Variants in GAP43 observed in about 807,000 individuals in gnomAD.
The protein encoded by GAP43 is neuromodulin.
A neutral mutation model predicts 18.6 loss-of-function variants in GAP43; 6 were observed. That is an observed-to-expected ratio of 0.32 (90% CI 0.18 to 0.64). The LOEUF is 0.64. GAP43 is among the 30% of genes least tolerant of loss of function. The pLI is 0.78. For synonymous variants in GAP43, 115 were observed against 111.4 expected, an observed-to-expected ratio of 1.03 and a Z score of -0.20; for missense variants, 292 against 295.5, an observed-to-expected ratio of 0.99 and a Z score of 0.09.
In GAP43 at chr3:115,710,442, T is replaced by A. The variant is rs28399405; in HGVS notation, c.629-10352T>A. On this transcript the variant is annotated intron_variant, in intron 2 of 2. Transcript: ENST00000305124. ...ACCTGATTAAAACTGATTTATGGAG[T>A]TTTTAAAGAGGGAGAATAACAAAAT... Among the ~76,000 whole-genome samples the A allele has an allele frequency of 3.8e-3, 579 of 151,988 alleles. 6 individuals carry two copies. The highest frequency in any genetic ancestry group is 0.013 in the African/African-American group (557 of 41,478).
intron 2 of GAP43, among the ~76,000 whole-genome samples, chr3:115,703,306 A>G (rs966968016): frequency 7.2e-5 from 11 of 152,124 alleles, no homozygotes; most frequent in African/African-American, 2.7e-4. Context: ...TTGTAACTTT[A>G]TGAGGAAAGA....
intron 2 of GAP43, among the ~76,000 whole-genome samples, chr3:115,678,862 G>A (rs1206994705): frequency 6.6e-6 from 1 of 150,868 alleles, no homozygotes; most frequent in Non-Finnish European, 1.5e-5. Context: ...ATTCAGAAAT[G>A]CTGCCTGTCG....
intron 2 of GAP43, among the ~76,000 whole-genome samples, chr3:115,709,505 T>C (rs1339800318): frequency 1.3e-5 from 2 of 152,234 alleles, no homozygotes; most frequent in Non-Finnish European, 2.9e-5. Flanking sequence ...GATGTGTTTC[T>C]TGTAAACTTC....
chr3:115,712,712 G>T (rs1334443575), intron 2 of GAP43, among the ~76,000 whole-genome samples: 4 of 152,142 alleles, frequency 2.6e-5, no homozygotes, highest in Non-Finnish European at 5.9e-5. Flanking sequence ...GAAGTCGTAT[G>T]ATTAGTTAGT....
At chr3:115,652,417 C>T (rs530548684) in intron 1 of GAP43, among the ~76,000 whole-genome samples, 6 of 102,996 alleles carry the variant, frequency 5.8e-5, no homozygotes, top group East Asian at 3.2e-4. Context: ...GAGTCTTGCT[C>T]TGTTGTCCAG....
intron 2 of GAP43, among the ~76,000 whole-genome samples, chr3:115,716,717 A>AATATATAT (rs3995850): frequency 3.4e-4 from 15 of 43,932 alleles, no homozygotes; most frequent in East Asian, 1.2e-3. Flanking sequence ...ATCTCAGACA[A>AATATATAT]ATATATATAT....
At chr3:115,657,447 T>C (rs2107478593) in intron 1 of GAP43, among the ~76,000 whole-genome samples, 1 of 152,286 alleles carries the variant, frequency 6.6e-6, no homozygotes, top group Non-Finnish European at 1.5e-5. Context: ...TATCTTTCAC[T>C]TGTTAATTCA....
At chr3:115,623,831 G>C (rs1708148003) in intron 1 of GAP43, 112 bp downstream of exon 1, 6 of 1,064,296 alleles carry the variant, frequency 5.6e-6, no homozygotes, top group Non-Finnish European at 8.8e-6. Flanking sequence ...TGGTGCTCGC[G>C]CTTCCTTAGC....
At chr3:115,646,886 A>T (rs1350056752) in intron 1 of GAP43, among the ~76,000 whole-genome samples, 2 of 151,948 alleles carry the variant, frequency 1.3e-5, no homozygotes, top group Non-Finnish European at 2.9e-5. Context: ...GAAACCAAAC[A>T]ACCAACATGT....
chr3:115,683,788 A>G (rs1431488481), intron 2 of GAP43, among the ~76,000 whole-genome samples: 1 of 152,218 alleles, frequency 6.6e-6, no homozygotes, highest in Non-Finnish European at 1.5e-5. Flanking sequence ...ATTAAAACAT[A>G]AAGTATTATA....
At chr3:115,698,158 TATATAAA>T (rs1709236691) in intron 2 of GAP43, among the ~76,000 whole-genome samples, 5 of 47,306 alleles carry the variant, frequency 1.1e-4, no homozygotes, top group South Asian at 4.7e-4. Context: ...TTATATATAA[TATATAAA>T]ATATATTAAA....
At chr3:115,652,389 A>ATTTTTTTTTTTTTTTTTTTT (rs1708531283) in intron 1 of GAP43, among the ~76,000 whole-genome samples, 6 of 25,588 alleles carry the variant, frequency 2.3e-4, no homozygotes, top group African/African-American at 4.6e-4. Flanking sequence ...TTTTTTTGTG[A>ATTTTTTTTTTTTTTTTTTTT]TAGAGTCTTG....
At chr3:115,718,592 T>C (rs1200490445) in intron 2 of GAP43, among the ~76,000 whole-genome samples, 1 of 152,172 alleles carries the variant, frequency 6.6e-6, no homozygotes, top group Non-Finnish European at 1.5e-5. Context: ...AAAAAAATCT[T>C]ATAAGTAGTA....
intron 1 of GAP43, among the ~76,000 whole-genome samples, chr3:115,633,250 CAG>C (rs998022438): frequency 1.3e-5 from 2 of 151,248 alleles, no homozygotes; most frequent in Admixed American, 6.6e-5. Context: ...GGGAGAGAGA[CAG>C]AGAGAGAGAG....
intron 2 of GAP43, among the ~76,000 whole-genome samples, chr3:115,702,061 G>T (rs1277179591): frequency 6.6e-6 from 1 of 152,094 alleles, no homozygotes; most frequent in Non-Finnish European, 1.5e-5. Context: ...GGTTACACTT[G>T]TAGAGATAAT....
intron 1 of GAP43, among the ~76,000 whole-genome samples, chr3:115,631,715 G>A (rs989206319): frequency 6.6e-6 from 1 of 152,104 alleles, no homozygotes; most frequent in African/African-American, 2.4e-5. Flanking sequence ...CCGCCTCCCA[G>A]GTTCAAGCAA....
At chr3:115,662,218 C>G (rs1708671068) in intron 1 of GAP43, among the ~76,000 whole-genome samples, 2 of 152,158 alleles carry the variant, frequency 1.3e-5, no homozygotes, top group Admixed American at 1.3e-4. Flanking sequence ...GAATCTTCGT[C>G]TAGGTCCTCC....
At chr3:115,639,176 C>T (rs1362020106) in intron 1 of GAP43, among the ~76,000 whole-genome samples, 1 of 152,100 alleles carries the variant, frequency 6.6e-6, no homozygotes, top group Non-Finnish European at 1.5e-5. Context: ...ACTTCTGGCA[C>T]AGTCCATAAT....
At chr3:115,688,699 G>A (rs546704730) in intron 2 of GAP43, among the ~76,000 whole-genome samples, 1 of 152,306 alleles carries the variant, frequency 6.6e-6, no homozygotes, top group Admixed American at 6.5e-5. Context: ...TGCCTCTTCA[G>A]TGATTAACAT....
Sources: allele counts gnomAD v4.1 joint callset (sites outside exome capture counted in the v4.1 genomes callset), GRCh38; gene constraint gnomAD v4.1.1; transcripts MANE v1.5; gene names NCBI Gene and HGNC (gene_info 2026-07-23, HGNC 2026-07-21).